Variants in TDRD12 observed in about 807,000 individuals in gnomAD.
TDRD12 encodes putative ATP-dependent RNA helicase TDRD12.
Under a neutral mutation model 133.5 loss-of-function variants are expected in TDRD12, and 158 were observed. The ratio of observed to expected loss-of-function variants is 1.18; its 90% CI spans 1.04 to 1.35. The LOEUF is 1.35. Ranked by LOEUF, TDRD12 falls within the 40% of genes most tolerant of loss-of-function variation. The pLI is 0.00. For missense variants in TDRD12, 1,443 were observed against 1,321.3 expected, an observed-to-expected ratio of 1.09 and a Z score of -1.43; for synonymous variants, 460 against 477.9, an observed-to-expected ratio of 0.96 and a Z score of 0.49.
Position 32,798,454 on chromosome 19 carries a change from C to A in TDRD12, c.1758+19C>A. On this transcript the variant is annotated intron_variant, in intron 16 of 27. Coordinates refer to ENST00000444215, the Ensembl canonical transcript of TDRD12. ...TGAACAGGTGAGCGTGGCTTAAGGT[C>A]CTCAGCACTCAGAAGAGAGGCGTGA... 1 of 1,519,492 alleles carries A rather than the reference C, an allele frequency of 6.6e-7. No homozygotes were observed. The highest frequency in any genetic ancestry group is 1.2e-5 in the South Asian group (1 of 83,208). The allele number at this position is 1,519,492 out of a possible 1,614,324, so 94.1% of individuals were successfully genotyped here. A position where few individuals can be genotyped will look rare whatever the true frequency, so the allele number is the denominator to read the frequency against.
chr19:32,807,642 C>T (rs1438976755), exon 22 of TDRD12: 3 of 1,526,304 alleles, frequency 2.0e-6, no homozygotes, highest in Admixed American at 2.1e-5. Flanking sequence ...CATTTGGATA[C>T]ATTAAAGTAG....
intron 10 of TDRD12, 131 bp downstream of exon 10, chr19:32,773,663 A>G: frequency 1.5e-6 from 1 of 648,406 alleles, no homozygotes; most frequent in South Asian, 1.8e-5. Context: ...GTACCACTGT[A>G]CTCCAGCCTG....
chr19:32,800,929 C>G lies in TDRD12; in HGVS notation c.2079+157C>G, dbSNP rs191075211. 3.0e-3 allele frequency among the ~76,000 whole-genome samples: 449 copies of G among 152,178 alleles called. 13 individuals carry two copies. Among genetic ancestry groups the G allele is most frequent in the Admixed American group, 0.027 (417 of 15,290 alleles). Reference sequence around the variant, plus strand: ...GAGGAGGTGGGGTCTTCTCACAGAGCATGCAGGCTGAGGCCTGGATCTGGG... The same window carrying G: ...GAGGAGGTGGGGTCTTCTCACAGAGGATGCAGGCTGAGGCCTGGATCTGGG... On this transcript the variant is annotated intron_variant, in intron 18 of 27. Coordinates refer to ENST00000444215, the Ensembl canonical transcript of TDRD12.
At position 32,776,613 on chromosome 19, in the gene TDRD12, C is replaced by A. The variant is rs545384831; in HGVS notation, c.1041-536C>A. 5.9e-5 allele frequency among the ~76,000 whole-genome samples: 9 copies of A among 152,308 alleles called. No homozygotes were observed. The South Asian group carries it at 1.9e-3, about 32-fold the overall frequency. On this transcript the variant is annotated intron_variant, in intron 10 of 27. Transcript: ENST00000444215. The stretch of plus-strand genomic sequence containing the variant: ...AAAAGACAAGAAAGTCCTGGTGATT[C>A]TGTTTTTCAAGTGTTTGACTTCTCT...
rs111984520 is a variant in TDRD12, at chr19:32,768,069, T to C, written c.866-4684T>C. Among the ~76,000 whole-genome samples, 1,207 of 152,330 alleles carry C rather than the reference T, an allele frequency of 7.9e-3. 16 individuals carry two copies. The highest frequency in any genetic ancestry group is 0.027 in the African/African-American group (1,143 of 41,584). On this transcript the variant is annotated intron_variant, in intron 8 of 27. Transcript: ENST00000444215. ...ATAGCTGGACTCATTTTCTTACATATTGTATACAGCTGCTTTTGCACTGTC... is the reference window on the plus strand; with the variant it reads ...ATAGCTGGACTCATTTTCTTACATACTGTATACAGCTGCTTTTGCACTGTC...
chr19:32,743,287 T>G (rs913428225), intron 4 of TDRD12, among the ~76,000 whole-genome samples: 16 of 151,992 alleles, frequency 1.1e-4, no homozygotes, highest in African/African-American at 3.6e-4. Flanking sequence ...GTTCCAGCAA[T>G]CCTCCTACCT....
At chr19:32,751,608 C>T (rs1969830347) in intron 6 of TDRD12, among the ~76,000 whole-genome samples, 1 of 149,960 alleles carries the variant, frequency 6.7e-6, no homozygotes, top group Admixed American at 6.7e-5. Context: ...TCCCATCCGT[C>T]TCTCTCTGTC....
intron 12 of TDRD12, 163 bp downstream of exon 12, chr19:32,790,754 G>A (rs2145662131): frequency 6.6e-7 from 1 of 1,516,444 alleles, no homozygotes; most frequent in South Asian, 1.3e-5. Flanking sequence ...ATGGATTGTT[G>A]CTTCTGAGAA....
chr19:32,802,655 G>A lies in TDRD12; in HGVS notation c.2198-1G>A, dbSNP rs1210929988. ...GACATTGTCGGACTCCCTCTCTGCA[G>A]CCCTCACAGACGACTGCGTCCCACT... On this transcript the variant is annotated splice_acceptor_variant, in intron 19 of 27. Coordinates refer to ENST00000444215, the Ensembl canonical transcript of TDRD12. LOFTEE classifies it high-confidence loss of function. The A allele has an allele frequency of 2.0e-6, 3 of 1,535,924 alleles. No individual in the cohort carries two copies. The highest frequency in any genetic ancestry group is 1.2e-5 in the South Asian group (1 of 84,050).
downstream of TDRD12, among the ~76,000 whole-genome samples, chr19:32,825,014 C>T (rs372932265): frequency 2.0e-5 from 3 of 152,172 alleles, no homozygotes; most frequent in African/African-American, 7.2e-5. The surrounding 1 kb of genome is among the most constrained non-coding windows in gnomAD (Gnocchi z 4.1). Flanking sequence ...CGCACCCTAG[C>T]TTCACGGCTC....
intron 21 of TDRD12, among the ~76,000 whole-genome samples, chr19:32,804,098 A>G (rs543959091): frequency 6.6e-6 from 1 of 151,532 alleles, no homozygotes; most frequent in South Asian, 2.1e-4. Context: ...TTTGAGATGG[A>G]GTTTCACTCT....
chr19:32,733,427 G>A (rs1332677754), intron 2 of TDRD12, among the ~76,000 whole-genome samples: 4 of 150,630 alleles, frequency 2.7e-5, no homozygotes, highest in African/African-American at 4.9e-5. Flanking sequence ...CCGAGATCAC[G>A]CCATTGCACT....
intron 15 of TDRD12, among the ~76,000 whole-genome samples, 174 bp downstream of exon 15, chr19:32,798,065 G>A (rs1005004400): frequency 1.5e-4 from 23 of 152,206 alleles, no homozygotes; most frequent in Admixed American, 1.4e-3. Flanking sequence ...TTTTGATTAC[G>A]AAGGCTTGAT....
exon 10 of TDRD12, chr19:32,828,493 G>A (rs1334166210): frequency 6.6e-6 from 1 of 152,098 alleles, no homozygotes; most frequent in Non-Finnish European, 1.5e-5. Flanking sequence ...AAGCGAGAAA[G>A]GTGAGCTATT....
rs373937190 is a variant in TDRD12 at position 32,738,852 on chromosome 19, G to A, written c.184-4G>A. On this transcript the variant is annotated splice_polypyrimidine_tract_variant and splice_region_variant and intron_variant, in intron 2 of 27. Coordinates refer to ENST00000444215, the Ensembl canonical transcript of TDRD12. ...ATAAAAATAACTCTCTGTTTATTTT[G>A]CAGGTGTGTGTGGTCTATTGTGAGG... 3 of 1,548,098 alleles carry A rather than the reference G, an allele frequency of 1.9e-6. No individual in the cohort carries two copies. The highest frequency in any genetic ancestry group is 4.0e-5 in the Admixed American group (2 of 50,082).
intron 1 of TDRD12, among the ~76,000 whole-genome samples, chr19:32,728,787 A>G (rs866034245): frequency 6.7e-6 from 1 of 148,494 alleles, no homozygotes; most frequent in Non-Finnish European, 1.5e-5. Context: ...CTGGGACTAC[A>G]GGTGCCCACC....
At chr19:32,804,586 G>A (rs1036813306) in intron 21 of TDRD12, among the ~76,000 whole-genome samples, 6 of 151,586 alleles carry the variant, frequency 4.0e-5, no homozygotes, top group Non-Finnish European at 8.8e-5. Flanking sequence ...CCAGCTACTT[G>A]GGAGGCTGAG....
At chr19:32,821,901 C>G (rs895508537), downstream of TDRD12, among the ~76,000 whole-genome samples, 1 of 152,178 alleles carries the variant, frequency 6.6e-6, no homozygotes, top group African/African-American at 2.4e-5. Context: ...GCTAATTGCA[C>G]GGACTTAGCA....
chr19:32,757,515 A>G (rs776580982), intron 8 of TDRD12, among the ~76,000 whole-genome samples: 4 of 152,206 alleles, frequency 2.6e-5, no homozygotes, highest in Non-Finnish European at 5.9e-5. Flanking sequence ...TTTAAATTCC[A>G]GTCTTCAAGA....
Sources: allele counts gnomAD v4.1 joint callset (sites outside exome capture counted in the v4.1 genomes callset), GRCh38; gene constraint gnomAD v4.1.1; non-coding constraint Gnocchi (gnomAD v3.1); transcripts MANE v1.5; gene names NCBI Gene and HGNC (gene_info 2026-07-23, HGNC 2026-07-21).